The following CHRM5 variants were observed in gnomAD, a reference collection of about 807,000 sequenced individuals.
CHRM5 encodes the protein cholinergic receptor muscarinic 5, also known as muscarinic acetylcholine receptor M5.
Under a neutral mutation model 39.0 loss-of-function variants are expected in CHRM5, and 18 were observed. The observed-to-expected ratio is 0.46, with a 90% CI of 0.32 to 0.68. The LOEUF is 0.68. CHRM5 is among the 30% of genes least tolerant of loss of function. The pLI, the probability that CHRM5 is intolerant of heterozygous loss-of-function variation, is 0.04. For synonymous variants in CHRM5, 241 were observed against 246.3 expected (o/e 0.98, Z 0.20); for missense variants, 515 against 651.1 (o/e 0.79, Z 2.28).
chr15:34,051,502 T>G (rs1899923679), intron 2 of CHRM5, among the ~76,000 whole-genome samples: 1 of 152,070 alleles, frequency 6.6e-6, no homozygotes, highest in African/African-American at 2.4e-5. Flanking sequence ...AGAGTTGAAC[T>G]GAAGGAGATA....
At chr15:34,005,596 A>G (rs1459627020) in intron 1 of CHRM5, among the ~76,000 whole-genome samples, 6 of 152,218 alleles carry the variant, frequency 3.9e-5, no homozygotes, top group Admixed American at 6.5e-5. Flanking sequence ...AATAACTAAG[A>G]TGGACCACAG....
chr15:34,051,920 A>G (rs1453834155), intron 2 of CHRM5, among the ~76,000 whole-genome samples: 2 of 152,178 alleles, frequency 1.3e-5, no homozygotes, highest in African/African-American at 2.4e-5. Context: ...TACCACAGGT[A>G]CAAAGAGCTG....
intron 1 of CHRM5, among the ~76,000 whole-genome samples, chr15:34,008,904 C>G (rs1897497528): frequency 6.6e-6 from 1 of 150,516 alleles, no homozygotes; most frequent in South Asian, 2.2e-4. Context: ...TGCAGACCCA[C>G]TCCATTTTGT....
At chr15:34,021,016 T>G (rs1898177528) in intron 1 of CHRM5, among the ~76,000 whole-genome samples, 1 of 152,200 alleles carries the variant, frequency 6.6e-6, no homozygotes, top group African/African-American at 2.4e-5. Context: ...CATATACACT[T>G]TACCTGACAG....
rs1900217122 is a variant in CHRM5, at chr15:34,058,020, GCA to G, written c.-75-4622_-75-4621del. Among the ~76,000 whole-genome samples the G allele has an allele frequency of 3.9e-5, 6 of 152,260 alleles. No homozygotes were observed. The South Asian group carries it at 1.2e-3, about 32-fold the overall frequency. On this transcript the variant is annotated intron_variant, in intron 2 of 2. Transcript: ENST00000383263. ...GTAGGGGCTAGCAAATCTGAAATCT[GCA>G]GGCAAGCTGGAAAATCCAGCAGGAA...
At chr15:34,028,058 T>C (rs575245557) in intron 1 of CHRM5, among the ~76,000 whole-genome samples, 43 of 152,238 alleles carry the variant, frequency 2.8e-4, no homozygotes, top group African/African-American at 9.6e-4. Flanking sequence ...GTAAATTTCC[T>C]AGCAGAGCAC....
intron 1 of CHRM5, among the ~76,000 whole-genome samples, chr15:33,978,723 C>A (rs1288319372): frequency 6.6e-5 from 10 of 151,980 alleles, no homozygotes; most frequent in African/African-American, 2.4e-4. Context: ...ACAAATTCGT[C>A]CCCAGGCATT....
intron 1 of CHRM5, among the ~76,000 whole-genome samples, chr15:33,985,575 C>T (rs1489439942): frequency 6.6e-6 from 1 of 151,926 alleles, no homozygotes; most frequent in African/African-American, 2.4e-5. Flanking sequence ...TCTTGACATA[C>T]CCATCAGGAG....
intron 1 of CHRM5, among the ~76,000 whole-genome samples, chr15:34,012,364 T>C (rs1390196071): frequency 6.6e-6 from 1 of 152,240 alleles, no homozygotes; most frequent in African/African-American, 2.4e-5. Context: ...AGGTCATCTG[T>C]ATAAAAAATA....
intron 1 of CHRM5, chr15:33,972,113 G>GATA (rs1895662996): frequency 6.6e-6 from 1 of 152,074 alleles, no homozygotes; most frequent in Admixed American, 6.6e-5. Context: ...AACTATTAAA[G>GATA]ATAAAAGTAC....
chr15:34,023,457 A>G (rs765200237), intron 1 of CHRM5, among the ~76,000 whole-genome samples: 1 of 152,132 alleles, frequency 6.6e-6, no homozygotes, highest in Non-Finnish European at 1.5e-5. Flanking sequence ...TACACACCAG[A>G]GCTCAGGCGC....
At chr15:34,050,627 C>T (rs4275825) in intron 2 of CHRM5, among the ~76,000 whole-genome samples, 20,297 of 152,020 alleles carry the variant, frequency 0.13, 2,318 homozygotes, top group East Asian at 0.34. Flanking sequence ...TGAAGACACA[C>T]ATAGGCTCAA....
In CHRM5 at chr15:34,063,518, C is replaced by T. The variant is rs1326942091; in HGVS notation, c.801C>T (p.Asn267=). The T allele has an allele frequency of 1.2e-6, 2 of 1,613,760 alleles. No homozygotes were observed. The highest frequency in any genetic ancestry group is 1.7e-6 in the Non-Finnish European group (2 of 1,180,042). ...PRPTLAQRER[N]QASWSSSRRS... is the part of the protein sequence containing the mutation. ...CCACCCTGGCCCAGCGGGAAAGGAA[C>T]CAGGCCTCCTGGTCATCCTCCCGCA... is the stretch of plus-strand genomic sequence containing the variant. The change falls in exon 3 of 3, where the codon AAC becomes AAT. Residue 267 remains asparagine (N), a synonymous_variant. Coordinates refer to ENST00000383263, the MANE Select transcript of CHRM5 (RefSeq NM_012125.4). The surrounding 1 kb of genome is among the most constrained non-coding windows in gnomAD (Gnocchi z 4.1).
chr15:34,015,028 G>A (rs1897821193), intron 1 of CHRM5, among the ~76,000 whole-genome samples: 9 of 152,124 alleles, frequency 5.9e-5, no homozygotes, highest in Admixed American at 5.9e-4. Flanking sequence ...GTACTCTAGA[G>A]TCCTGAAGCC....
chr15:34,025,551 C>G (rs773415223), intron 1 of CHRM5, among the ~76,000 whole-genome samples: 1 of 152,144 alleles, frequency 6.6e-6, no homozygotes, highest in African/African-American at 2.4e-5. Context: ...ATTGGGTCAT[C>G]TGGTGAAACC....
intron 2 of CHRM5, among the ~76,000 whole-genome samples, chr15:34,056,909 C>A (rs1900174168): frequency 6.6e-6 from 1 of 152,212 alleles, no homozygotes; most frequent in South Asian, 2.1e-4. Flanking sequence ...GATTGTGGCA[C>A]ATGCCTGTAG....
intron 1 of CHRM5, among the ~76,000 whole-genome samples, chr15:33,980,087 G>T (rs1896067392): frequency 1.3e-5 from 2 of 152,200 alleles, no homozygotes; most frequent in African/African-American, 4.8e-5. Flanking sequence ...CCATGATATT[G>T]TTTAACATTA....
At chr15:33,973,760 G>C (rs1273394205) in intron 1 of CHRM5, among the ~76,000 whole-genome samples, 1 of 152,120 alleles carries the variant, frequency 6.6e-6, no homozygotes, top group East Asian at 1.9e-4. Context: ...TCATGGTTGA[G>C]GGCCTTAAGA....
At chr15:34,023,916 TA>T (rs1898322059) in intron 1 of CHRM5, among the ~76,000 whole-genome samples, 2 of 152,256 alleles carry the variant, frequency 1.3e-5, no homozygotes, top group South Asian at 2.1e-4. Flanking sequence ...GATGGCAAAA[TA>T]GAGGACTCTA....
Sources: allele counts gnomAD v4.1 joint callset (sites outside exome capture counted in the v4.1 genomes callset), GRCh38; gene constraint gnomAD v4.1.1; non-coding constraint Gnocchi (gnomAD v3.1); transcripts MANE v1.5; gene names NCBI Gene and HGNC (gene_info 2026-07-23, HGNC 2026-07-21).